The following PCDHGC3 variants were observed in gnomAD, a reference collection of about 807,000 sequenced individuals.
PCDHGC3 encodes the protein protocadherin gamma subfamily C, 3.
PCDHGC3 carries 26 observed loss-of-function variants against 59.2 expected under a neutral mutation model. That is an observed-to-expected ratio of 0.44 (90% CI 0.32 to 0.61). The LOEUF is 0.61. Ranked by LOEUF, PCDHGC3 falls within the 20% of genes least tolerant of loss-of-function variation. The probability of loss-of-function intolerance (pLI) is 0.05; values close to 1 mark genes in which losing one functional copy is unlikely to be tolerated. For synonymous variants in PCDHGC3, 487 were observed against 519.7 expected, an observed-to-expected ratio of 0.94 and a Z score of 0.86; for missense variants, 1,080 against 1,221.8, an observed-to-expected ratio of 0.88 and a Z score of 1.73.
In PCDHGC3 at chr5:141,481,399, T is replaced by G. The variant is rs35677249; in HGVS notation, c.2430+2853T>G. 1.9e-3 allele frequency among the ~76,000 whole-genome samples: 284 copies of G among 152,356 alleles called. 1 individual carries two copies. Among genetic ancestry groups the G allele is most frequent in the Middle Eastern group, 0.01 (3 of 294 alleles). ...TTCTTTTTGGAGGGATGTGACAAAA[T>G]TCTTGTATAATTAGATTGTGATGAT... is the stretch of plus-strand genomic sequence containing the variant. On this transcript the variant is annotated intron_variant, in intron 1 of 3. Transcript: ENST00000308177.
chr5:141,485,858 C>A lies in PCDHGC3; in HGVS notation c.2430+7312C>A, dbSNP rs1431906047. 8.1e-6 allele frequency: 13 copies of A among 1,614,162 alleles called. No individual in the cohort carries two copies. The South Asian group carries it at 1.4e-4, about 18-fold the overall frequency. ...GCCGAGATCTGGCACCGCAGAGCTC[C>A]GGGTATCCGTGCTGGACGTAAACGA... On this transcript the variant is annotated intron_variant, in intron 1 of 3. Coordinates refer to ENST00000308177, the MANE Select transcript of PCDHGC3 (RefSeq NM_002588.4). This position sits in a 1 kb window ranked among gnomAD's most constrained non-coding sequence, Gnocchi z 5.7.
chr5:141,485,563 C>A lies in PCDHGC3; in HGVS notation c.2430+7017C>A. 2 of 1,612,904 alleles carry A rather than the reference C, an allele frequency of 1.2e-6. No individual in the cohort carries two copies. The highest frequency in any genetic ancestry group is 1.7e-6 in the Non-Finnish European group (2 of 1,179,034). ...AGATCGTAGATGTGAATGATCACGC[C>A]CCCCGTTTTCCGCGGCAGCAGCTGG... On this transcript the variant is annotated intron_variant, in intron 1 of 3. Coordinates refer to ENST00000308177, the MANE Select transcript of PCDHGC3 (RefSeq NM_002588.4). This position sits in a 1 kb window ranked among gnomAD's most constrained non-coding sequence, Gnocchi z 5.7.
In PCDHGC3 at chr5:141,490,701, C is replaced by T; in HGVS notation, c.2431-4106C>T. On this transcript the variant is annotated intron_variant, in intron 1 of 3. Transcript: ENST00000308177. This position sits in a 1 kb window ranked among gnomAD's most constrained non-coding sequence, Gnocchi z 5.4. Reference sequence around the variant, plus strand: ...CAGATCCAGACACTGGGGATAATGCCCGCCTCACCTACTCCATTGTAGGAA... The same window carrying T: ...CAGATCCAGACACTGGGGATAATGCTCGCCTCACCTACTCCATTGTAGGAA... The T allele has an allele frequency of 6.2e-7, 1 of 1,614,184 alleles. No individual in the cohort carries two copies. The highest frequency in any genetic ancestry group is 8.5e-7 in the Non-Finnish European group (1 of 1,180,008).
Position 141,486,429 on chromosome 5 carries a change from C to G in PCDHGC3, c.2430+7883C>G, listed in dbSNP as rs2099629385. On this transcript the variant is annotated intron_variant, in intron 1 of 3. Transcript: ENST00000308177. The surrounding 1 kb of genome is among the most constrained non-coding windows in gnomAD (Gnocchi z 5.0). ...GGACCCTTGGATCGAGAGGCCAAAT[C>G]TAGCTATGACATCATGGTCACTGCT... 1.1e-5 allele frequency: 17 copies of G among 1,614,192 alleles called. No homozygotes were observed. Among genetic ancestry groups the G allele is most frequent in the Non-Finnish European group, 1.4e-5 (17 of 1,180,008 alleles).
Position 141,491,994 on chromosome 5 carries a change from C to T in PCDHGC3, c.2431-2813C>T. On this transcript the variant is annotated intron_variant, in intron 1 of 3. Transcript: ENST00000308177. This position sits in a 1 kb window ranked among gnomAD's most constrained non-coding sequence, Gnocchi z 6.9. ...CCTCCTTCGAGCTTCCGGTGAATTT[C>T]GGGCGATTTCCGCGGGTGTCGGGGG... The T allele has an allele frequency of 4.3e-6, 3 of 693,016 alleles. No individual in the cohort carries two copies. The allele number at this position is 693,016 out of a possible 1,614,324, so 42.9% of individuals were successfully genotyped here.
At position 141,491,578 on chromosome 5, in the gene PCDHGC3, C is replaced by T. The variant is rs1438933474; in HGVS notation, c.2431-3229C>T. 7.4e-6 allele frequency: 12 copies of T among 1,613,888 alleles called. No homozygotes were observed. The highest frequency in any genetic ancestry group is 1.0e-5 in the Non-Finnish European group (12 of 1,180,044). On this transcript the variant is annotated intron_variant, in intron 1 of 3. Coordinates refer to ENST00000308177, the MANE Select transcript of PCDHGC3 (RefSeq NM_002588.4). This position sits in a 1 kb window ranked among gnomAD's most constrained non-coding sequence, Gnocchi z 6.9. ...CCACTGCTACAGGACGTGCTTTTCA[C>T]CGGCCTCGGACGGCAGTGACTTCAC...
In PCDHGC3 at chr5:141,485,842, T is replaced by C; in HGVS notation, c.2430+7296T>C. ...TCGATGGAGGGAACCCGCCGAGATC[T>C]GGCACCGCAGAGCTCCGGGTATCCG... On this transcript the variant is annotated intron_variant, in intron 1 of 3. Coordinates refer to ENST00000308177, the MANE Select transcript of PCDHGC3 (RefSeq NM_002588.4). This position sits in a 1 kb window ranked among gnomAD's most constrained non-coding sequence, Gnocchi z 5.7. 1 of 1,614,002 alleles carries C rather than the reference T, an allele frequency of 6.2e-7. No homozygotes were observed. Among genetic ancestry groups the C allele is most frequent in the Non-Finnish European group, 8.5e-7 (1 of 1,179,982 alleles).
rs1316659737 is a variant in PCDHGC3 at position 141,490,964 on chromosome 5, C to T, written c.2431-3843C>T. ...CCACGGCCAGACTGGGAACACTCAG[C>T]CCCCCAGCGTCTCCCTCGCTCTGCT... On this transcript the variant is annotated intron_variant, in intron 1 of 3. Transcript: ENST00000308177. The surrounding 1 kb of genome is among the most constrained non-coding windows in gnomAD (Gnocchi z 5.4). 2.5e-6 allele frequency: 4 copies of T among 1,613,608 alleles called. No homozygotes were observed. Among genetic ancestry groups the T allele is most frequent in the East Asian group, 2.2e-5 (1 of 44,882 alleles).
chr5:141,489,935 T>C lies in PCDHGC3; in HGVS notation c.2431-4872T>C. On this transcript the variant is annotated intron_variant, in intron 1 of 3. Coordinates refer to ENST00000308177, the MANE Select transcript of PCDHGC3 (RefSeq NM_002588.4). The surrounding 1 kb of genome is among the most constrained non-coding windows in gnomAD (Gnocchi z 4.5). ...GGGACCACCCTTATCTCTGTCATCG[T>C]GCTGGACATCAATGATAATGCTCCA... 1 of 1,614,216 alleles carries C rather than the reference T, an allele frequency of 6.2e-7. No individual in the cohort carries two copies.
rs146235929 is a variant in PCDHGC3 at position 141,511,610 on chromosome 5, C to A, written c.*437C>A. On this transcript the variant is annotated 3_prime_UTR_variant, in exon 4 of 4. Transcript: ENST00000308177. ...GAAGTACCAAGTAACCTACAAGCCT[C>A]CTAGTTCTGAAAAGTTGGAAGGGCA... 1.0e-3 allele frequency: 247 copies of A among 237,682 alleles called. 1 individual carries two copies. The highest frequency in any genetic ancestry group is 5.2e-3 in the African/African-American group (235 of 45,400). The allele number at this position is 237,682 out of a possible 1,614,324, so 14.7% of individuals were successfully genotyped here. A position where few individuals can be genotyped will look rare whatever the true frequency, so the allele number is the denominator to read the frequency against.
Position 141,476,696 on chromosome 5 carries a change from G to T in PCDHGC3, c.580G>T (p.Ala194Ser), listed in dbSNP as rs750429892. ...GACGCGGGAGGACAGCACCAAGTAC[G>T]CGGAGCTGGTGTTGGAGCGCGCCCT... ...VQTREDSTKY[A>S]ELVLERALDR... The change falls in exon 1 of 4, where the codon GCG becomes TCG. Residue 194 changes from alanine to serine, a missense_variant. Ala to Ser is a moderately conservative substitution (Grantham distance 99). Transcript: ENST00000308177. This position sits in a 1 kb window ranked among gnomAD's most constrained non-coding sequence, Gnocchi z 7.6. 3 of 1,614,102 alleles carry T rather than the reference G, an allele frequency of 1.9e-6. No individual in the cohort carries two copies. The highest frequency in any genetic ancestry group is 2.5e-6 in the Non-Finnish European group (3 of 1,180,050).
Position 141,491,030 on chromosome 5 carries a change from C to T in PCDHGC3, c.2431-3777C>T. ...GTCACCAAGGTGACAGCCGTGGATG[C>T]TGATGCAGGCCACAATGCGTGGCTC... On this transcript the variant is annotated intron_variant, in intron 1 of 3. Transcript: ENST00000308177. The surrounding 1 kb of genome is among the most constrained non-coding windows in gnomAD (Gnocchi z 6.9). 6.2e-7 allele frequency: 1 copy of T among 1,614,148 alleles called. No individual in the cohort carries two copies. Among genetic ancestry groups the T allele is most frequent in the South Asian group, 1.1e-5 (1 of 91,088 alleles).
rs1207647899 is a variant in PCDHGC3, at chr5:141,491,938, C to T, written c.2431-2869C>T. The T allele has an allele frequency of 1.6e-5, 19 of 1,199,190 alleles. No homozygotes were observed. Among genetic ancestry groups the T allele is most frequent in the Non-Finnish European group, 2.1e-5 (18 of 875,372 alleles). 74.3% of individuals were successfully genotyped at this position (1,199,190 alleles called of 1,614,324 possible). ...TGTGGGCGAGGGGAGGTGGGACCGA[C>T]CCCCACCCCTACACTCAAAAAAGGC... is the stretch of plus-strand genomic sequence containing the variant. On this transcript the variant is annotated intron_variant, in intron 1 of 3. Coordinates refer to ENST00000308177, the MANE Select transcript of PCDHGC3 (RefSeq NM_002588.4). This position sits in a 1 kb window ranked among gnomAD's most constrained non-coding sequence, Gnocchi z 6.9.
In PCDHGC3 at chr5:141,489,663, C is replaced by T. The variant is rs1183544696; in HGVS notation, c.2431-5144C>T. The T allele has an allele frequency of 1.9e-6, 3 of 1,614,048 alleles. No individual in the cohort carries two copies. The highest frequency in any genetic ancestry group is 2.2e-5 in the South Asian group (2 of 91,094). ...TTGCCACCCCTGAGCGAGAGATGCGCATCTCAGAATCAGCAGCATCTGGGG... is the reference window on the plus strand; with the variant it reads ...TTGCCACCCCTGAGCGAGAGATGCGTATCTCAGAATCAGCAGCATCTGGGG... On this transcript the variant is annotated intron_variant, in intron 1 of 3. Coordinates refer to ENST00000308177, the MANE Select transcript of PCDHGC3 (RefSeq NM_002588.4). This position sits in a 1 kb window ranked among gnomAD's most constrained non-coding sequence, Gnocchi z 4.5.
chr5:141,489,971 C>A lies in PCDHGC3; in HGVS notation c.2431-4836C>A, dbSNP rs1254025468. 1 of 1,614,060 alleles carries A rather than the reference C, an allele frequency of 6.2e-7. No homozygotes were observed. The highest frequency in any genetic ancestry group is 1.3e-5 in the African/African-American group (1 of 74,944). Reference sequence around the variant, plus strand: ...AATGATAATGCTCCAACCTTCCAATCCTCAGTTCTACGTGTGGGAATCCCA... The same window carrying A: ...AATGATAATGCTCCAACCTTCCAATACTCAGTTCTACGTGTGGGAATCCCA... On this transcript the variant is annotated intron_variant, in intron 1 of 3. Transcript: ENST00000308177. The surrounding 1 kb of genome is among the most constrained non-coding windows in gnomAD (Gnocchi z 4.5).
chr5:141,489,491 T>C lies in PCDHGC3; in HGVS notation c.2431-5316T>C. On this transcript the variant is annotated intron_variant, in intron 1 of 3. Transcript: ENST00000308177. This position sits in a 1 kb window ranked among gnomAD's most constrained non-coding sequence, Gnocchi z 4.5. ...TCCCTGAGCTTGATGAGTGGTGCCC[T>C]GGCAGTGAATCAAAAGATTGACCGA... The C allele has an allele frequency of 6.2e-7, 1 of 1,614,066 alleles. No individual in the cohort carries two copies. The highest frequency in any genetic ancestry group is 8.5e-7 in the Non-Finnish European group (1 of 1,180,024).
At chr5:141,480,591 T>G (rs557048485) in intron 1 of PCDHGC3, among the ~76,000 whole-genome samples, 1 of 138,080 alleles carries the variant, frequency 7.2e-6, no homozygotes, top group South Asian at 2.2e-4. Flanking sequence ...GCCGCTCTTC[T>G]GGTCAGCCTG....
chr5:141,502,242 CT>C (rs989546500), intron 2 of PCDHGC3, among the ~76,000 whole-genome samples: 27 of 151,950 alleles, frequency 1.8e-4, no homozygotes, highest in African/African-American at 6.3e-4. Context: ...TTCTTTTATC[CT>C]TTTTTTTAAT....
chr5:141,479,731 G>C (rs1176632022), intron 1 of PCDHGC3: 1 of 152,216 alleles, frequency 6.6e-6, no homozygotes, highest in East Asian at 1.9e-4. Context: ...TTTTTCTTAA[G>C]TATATGCACA....
Sources: allele counts gnomAD v4.1 joint callset (sites outside exome capture counted in the v4.1 genomes callset), GRCh38; gene constraint gnomAD v4.1.1; non-coding constraint Gnocchi (gnomAD v3.1); transcripts MANE v1.5; gene names NCBI Gene and HGNC (gene_info 2026-07-23, HGNC 2026-07-21).